Variants in ZNF717 observed in about 807,000 individuals in gnomAD.
ZNF717 encodes zinc finger protein 717.
In ZNF717, 9 loss-of-function variants were observed where a neutral mutation model predicts 13.8. The observed-to-expected ratio is 0.65, with a 90% CI of 0.39 to 1.14. The LOEUF is 1.14. ZNF717 is among the 50% of genes most tolerant of loss of function. The probability of loss-of-function intolerance (pLI) is 0.01; values close to 1 mark genes in which losing one functional copy is unlikely to be tolerated. For synonymous variants in ZNF717, 327 were observed against 364.1 expected, an observed-to-expected ratio of 0.90 and a Z score of 1.16; for missense variants, 1,040 against 1,080.7, an observed-to-expected ratio of 0.96 and a Z score of 0.53.
rs140892482 is a variant in ZNF717, at chr3:75,753,505, G to A, written c.58-11769C>T. Among the ~76,000 whole-genome samples the A allele has an allele frequency of 2.9e-3, 298 of 103,014 alleles. 2 individuals carry two copies. The highest frequency in any genetic ancestry group is 7.3e-3 in the African/African-American group (198 of 27,218). The allele number at this position is 103,014 out of a possible 152,430, so 67.6% of individuals were successfully genotyped here. On this transcript the variant is annotated intron_variant, in intron 2 of 4. Coordinates refer to ENST00000652011, the MANE Select transcript of ZNF717 (RefSeq NM_001290208.3). ...GCTGCTAGGGTCTGAATATCTGTCC[G>A]TTACATAGGATTCCAGAATACTGCT... is the stretch of plus-strand genomic sequence containing the variant.
downstream of ZNF717, among the ~76,000 whole-genome samples, chr3:75,704,886 T>C (rs1575712722): frequency 6.6e-6 from 1 of 152,430 alleles, no homozygotes; most frequent in East Asian, 1.9e-4. Flanking sequence ...TGGAACCTAG[T>C]ATTTTTGTAC....
chr3:75,782,009 C>T (rs190058532), intron 2 of ZNF717, among the ~76,000 whole-genome samples: 28 of 152,230 alleles, frequency 1.8e-4, no homozygotes, highest in African/African-American at 5.3e-4. Context: ...GCCCCTTATC[C>T]GGGGCCGAGA....
intron 2 of ZNF717, among the ~76,000 whole-genome samples, chr3:75,765,035 A>ATATATATATATATGTATGTGTG: frequency 1.2e-5 from 1 of 81,804 alleles, no homozygotes; most frequent in African/African-American, 4.1e-5. Flanking sequence ...ATATATGTAT[A>ATATATATATATATGTATGTGTG]TGTGTGTGTG....
downstream of ZNF717, among the ~76,000 whole-genome samples, chr3:75,725,558 CT>C (rs1487855501): frequency 7.2e-4 from 109 of 152,340 alleles, no homozygotes; most frequent in African/African-American, 2.1e-3. Flanking sequence ...TATTCTCATG[CT>C]GCTAATATGG....
chr3:75,768,511 C>T (rs1943663830), intron 2 of ZNF717, among the ~76,000 whole-genome samples: 1 of 150,842 alleles, frequency 6.6e-6, no homozygotes, highest in Admixed American at 6.6e-5. Flanking sequence ...GCCACCACAA[C>T]CTCATTCAGT....
chr3:75,712,690 C>A (rs1055267201), intron 5 of ZNF717, among the ~76,000 whole-genome samples: 1 of 142,876 alleles, frequency 7.0e-6, no homozygotes, highest in African/African-American at 2.5e-5. Context: ...TGAAATATTT[C>A]TTTTCTTTTC....
chr3:75,744,140 T>C, intron 2 of ZNF717, among the ~76,000 whole-genome samples: 1 of 151,092 alleles, frequency 6.6e-6, no homozygotes, highest in Non-Finnish European at 1.5e-5. Context: ...TTTCTGAGTT[T>C]ATTCCACGAA....
intron 2 of ZNF717, among the ~76,000 whole-genome samples, chr3:75,743,506 T>C (rs79918902): frequency 7.3e-5 from 10 of 137,568 alleles, no homozygotes; most frequent in African/African-American, 2.4e-4. Flanking sequence ...CCACTTCACA[T>C]ACAGGTGTAA....
intron 4 of ZNF717, among the ~76,000 whole-genome samples, chr3:75,717,282 C>T (rs1478553859): frequency 1.3e-5 from 2 of 152,238 alleles, no homozygotes; most frequent in Non-Finnish European, 2.9e-5. Context: ...GTATGTCCAA[C>T]AGACACATCC....
At chr3:75,763,565 C>A (rs796625826) in intron 2 of ZNF717, among the ~76,000 whole-genome samples, 1 of 144,072 alleles carries the variant, frequency 6.9e-6, no homozygotes, top group Non-Finnish European at 1.5e-5. Flanking sequence ...GAGGAGCAAA[C>A]ACATTTTCAC....
intron 2 of ZNF717, among the ~76,000 whole-genome samples, chr3:75,778,053 A>G (rs1293234825): frequency 6.6e-6 from 1 of 151,980 alleles, no homozygotes; most frequent in African/African-American, 2.4e-5. Flanking sequence ...AGAACCCAAA[A>G]CAATGGGAGT....
intron 2 of ZNF717, among the ~76,000 whole-genome samples, chr3:75,763,171 A>G (rs1943171018): frequency 6.6e-6 from 1 of 152,280 alleles, no homozygotes; most frequent in South Asian, 2.1e-4. Context: ...CTCAGGCAGT[A>G]AAATCAAAAA....
downstream of ZNF717, among the ~76,000 whole-genome samples, chr3:75,735,597 A>T (rs1357165928): frequency 1.2e-4 from 13 of 107,898 alleles, no homozygotes; most frequent in Admixed American, 1.3e-3. Flanking sequence ...GGGAGCCATG[A>T]TCACACCACT....
chr3:75,768,818 CTG>C (rs1435453330), intron 2 of ZNF717, among the ~76,000 whole-genome samples: 1 of 150,566 alleles, frequency 6.6e-6, no homozygotes, highest in Non-Finnish European at 1.5e-5. Context: ...TCATTAAGTT[CTG>C]TCACTGAGTG....
chr3:75,729,668 G>A (rs1938404507), downstream of ZNF717, among the ~76,000 whole-genome samples: 1 of 144,924 alleles, frequency 6.9e-6, no homozygotes, highest in African/African-American at 2.5e-5. Context: ...TTGCTATGAT[G>A]AATTTTAACA....
chr3:75,745,574 C>T (rs1250854955), intron 2 of ZNF717, among the ~76,000 whole-genome samples: 1 of 151,850 alleles, frequency 6.6e-6, no homozygotes, highest in African/African-American at 2.4e-5. Flanking sequence ...AAATTTATTC[C>T]TTCTATCTAA....
At chr3:75,783,424 T>A in intron 1 of ZNF717, 60 bp from the exon 2 acceptor site, 1 of 1,370,752 alleles carries the variant, frequency 7.3e-7, no homozygotes, top group Non-Finnish European at 1.0e-6. Flanking sequence ...TGGTCCCAGA[T>A]TCTTCTGCCC....
chr3:75,706,819 G>A (rs1167889084), downstream of ZNF717, among the ~76,000 whole-genome samples: 1 of 152,414 alleles, frequency 6.6e-6, no homozygotes, highest in East Asian at 1.9e-4. Flanking sequence ...AGATGACTCT[G>A]TCCTGATTCA....
chr3:75,714,753 T>C (rs1413701610), intron 5 of ZNF717, among the ~76,000 whole-genome samples: 1 of 152,164 alleles, frequency 6.6e-6, no homozygotes, highest in African/African-American at 2.4e-5. Context: ...TTTAGAACAG[T>C]TTATTTATCA....
Sources: gnomAD v4.1 joint callset for allele counts (sites outside exome capture counted in the v4.1 genomes callset) on GRCh38, gnomAD v4.1.1 for gene constraint, MANE v1.5 for transcripts, NCBI Gene and HGNC (gene_info 2026-07-23, HGNC 2026-07-21) for gene names.